GPC6: variants seen among roughly 807,000 people sequenced by gnomAD.
GPC6 encodes glypican-6.
In GPC6, 14 loss-of-function variants were observed where a neutral mutation model predicts 55.2. The ratio of observed to expected loss-of-function variants is 0.25; its 90% confidence interval spans 0.17 to 0.40. The LOEUF is 0.40. Among genes scored for constraint, GPC6 ranks in the 10% least tolerant of loss-of-function variants. The pLI, the probability that GPC6 is intolerant of heterozygous loss-of-function variation, is 1.00. For missense variants in GPC6, 641 were observed against 708.5 expected, an observed-to-expected ratio of 0.90 and a Z score of 1.08; for synonymous variants, 278 against 259.6, an observed-to-expected ratio of 1.07 and a Z score of -0.68.
At chr13:93,583,164 T>C (rs1472851550) in intron 2 of GPC6, among the ~76,000 whole-genome samples, 1 of 152,178 alleles carries the variant, frequency 6.6e-6, no homozygotes, top group East Asian at 1.9e-4. Context: ...CAAATAAAGG[T>C]TGTGTTGCTG....
chr13:93,901,206 T>C (rs1210349967), intron 3 of GPC6, among the ~76,000 whole-genome samples: 1 of 152,156 alleles, frequency 6.6e-6, no homozygotes, highest in Admixed American at 6.6e-5. Context: ...AAGTTCATCT[T>C]TCAAATTATG....
chr13:93,429,642 G>T (rs1250900447), intron 1 of GPC6, among the ~76,000 whole-genome samples: 1 of 152,054 alleles, frequency 6.6e-6, no homozygotes, highest in African/African-American at 2.4e-5. Flanking sequence ...CTGAAATGAG[G>T]GTCTCAATTG....
chr13:94,027,834 G>A lies in GPC6; in HGVS notation c.817G>A (p.Val273Ile), dbSNP rs192508779. 51 of 1,614,044 alleles carry A rather than the reference G, an allele frequency of 3.2e-5. No homozygotes were observed. Among genetic ancestry groups the A allele is most frequent in the Middle Eastern group, 3.3e-4 (2 of 6,062 alleles). The change falls in exon 4 of 9, where the codon GTC becomes ATC. Residue 273 changes from valine to isoleucine, a missense_variant. By Grantham distance (29) the Val-to-Ile change is conservative. Transcript: ENST00000377047. ...GCCCTGCAACAACTACTGTCTCAAC[G>A]TCATGAAGGGCTGCTTGGCAAATCA... is the stretch of plus-strand genomic sequence containing the variant. Reference protein sequence around the residue: ...VRPCNNYCLNVMKGCLANQAD... With the variant: ...VRPCNNYCLNIMKGCLANQAD...
chr13:93,387,441 C>G (rs993930856), intron 1 of GPC6, among the ~76,000 whole-genome samples: 7 of 152,132 alleles, frequency 4.6e-5, no homozygotes, highest in African/African-American at 1.7e-4. Flanking sequence ...TTTTCTGTTC[C>G]TGTGTTAGTT....
chr13:93,384,957 A>T (rs1217152221), intron 1 of GPC6, among the ~76,000 whole-genome samples: 1 of 152,232 alleles, frequency 6.6e-6, no homozygotes, highest in Non-Finnish European at 1.5e-5. Flanking sequence ...AGGGAAGCAG[A>T]TGTGGTAACT....
chr13:94,300,192 C>T (rs1875571615), intron 5 of GPC6, among the ~76,000 whole-genome samples: 1 of 152,056 alleles, frequency 6.6e-6, no homozygotes, highest in South Asian at 2.1e-4. Context: ...CGGGATTTAC[C>T]TGCAGCCACT....
intron 4 of GPC6, among the ~76,000 whole-genome samples, chr13:94,117,788 A>G (rs886090005): frequency 2.0e-5 from 3 of 152,080 alleles, no homozygotes; most frequent in Non-Finnish European, 4.4e-5. Flanking sequence ...ATTTATTGCA[A>G]TTACTCATTG....
chr13:93,243,033 C>G (rs78450265), intron 1 of GPC6, among the ~76,000 whole-genome samples: 4,624 of 152,242 alleles, frequency 0.03, 227 homozygotes, highest in African/African-American at 0.11. Context: ...AGGAAGGGAC[C>G]CTGTTCGAGA....
chr13:93,949,539 T>C (rs960600803), intron 3 of GPC6, among the ~76,000 whole-genome samples: 2 of 152,182 alleles, frequency 1.3e-5, no homozygotes, highest in African/African-American at 4.8e-5. Context: ...CAAAGCTGAA[T>C]TGAAATGGAC....
At chr13:93,739,441 T>TG (rs72394038) in intron 2 of GPC6, among the ~76,000 whole-genome samples, 1,522 of 151,644 alleles carry the variant, frequency 0.01, 39 homozygotes, top group African/African-American at 0.034. Flanking sequence ...CATTTTTTTT[T>TG]TTTTTTGAGA....
At chr13:93,677,100 G>A (rs571706074) in intron 2 of GPC6, among the ~76,000 whole-genome samples, 1 of 152,154 alleles carries the variant, frequency 6.6e-6, no homozygotes, top group Non-Finnish European at 1.5e-5. Flanking sequence ...GTTCAGAGAA[G>A]CTGTTGTGAT....
chr13:93,666,215 A>G (rs1881127272), intron 2 of GPC6, among the ~76,000 whole-genome samples: 2 of 152,284 alleles, frequency 1.3e-5, no homozygotes, highest in Non-Finnish European at 2.9e-5. Context: ...CAAATAAATA[A>G]TGATATAAGT....
At chr13:94,148,631 T>C (rs74105735) in intron 4 of GPC6, among the ~76,000 whole-genome samples, 1 of 152,174 alleles carries the variant, frequency 6.6e-6, no homozygotes, top group Non-Finnish European at 1.5e-5. Context: ...ACATGTTATT[T>C]TGACATTCTA....
At chr13:93,415,149 T>C (rs1876651222) in intron 1 of GPC6, among the ~76,000 whole-genome samples, 1 of 152,088 alleles carries the variant, frequency 6.6e-6, no homozygotes, top group South Asian at 2.1e-4. Flanking sequence ...CAAAACGTGC[T>C]CTATTTCTCT....
At chr13:94,085,067 TAATCCCAGCACTTTGGGAGGCC>T in intron 4 of GPC6, among the ~76,000 whole-genome samples, 1 of 152,148 alleles carries the variant, frequency 6.6e-6, no homozygotes, top group Admixed American at 6.5e-5. Flanking sequence ...CTCACACCTG[TAATCCCAGCACTTTGGGAGGCC>T]GAGGCAGGCA....
At chr13:94,256,271 G>A (rs1050058048) in intron 4 of GPC6, among the ~76,000 whole-genome samples, 1 of 152,188 alleles carries the variant, frequency 6.6e-6, no homozygotes, top group African/African-American at 2.4e-5. Context: ...GGGAGTTCAA[G>A]TGGTAAAGAA....
intron 1 of GPC6, among the ~76,000 whole-genome samples, chr13:93,283,276 C>CT (rs894249366): frequency 6.6e-6 from 1 of 152,042 alleles, no homozygotes; most frequent in Non-Finnish European, 1.5e-5. Flanking sequence ...AGGAATGATT[C>CT]TTTTTTTCTC....
chr13:94,373,194 A>G (rs1290275153), intron 6 of GPC6, among the ~76,000 whole-genome samples: 2 of 152,160 alleles, frequency 1.3e-5, no homozygotes, highest in Non-Finnish European at 1.5e-5. Context: ...CTCACCAGCA[A>G]TGGAACAAAG....
At chr13:93,228,976 G>T (rs917374773) in intron 1 of GPC6, among the ~76,000 whole-genome samples, 4 of 152,158 alleles carry the variant, frequency 2.6e-5, no homozygotes, top group African/African-American at 4.8e-5. Flanking sequence ...AAAAAGAGGC[G>T]CAAATTACCA....
Sources: allele counts gnomAD v4.1 joint callset (sites outside exome capture counted in the v4.1 genomes callset), GRCh38; gene constraint gnomAD v4.1.1; transcripts MANE v1.5; gene names NCBI Gene and HGNC (gene_info 2026-07-23, HGNC 2026-07-21).